MFN1: variants seen among roughly 807,000 people sequenced by gnomAD.
The protein encoded by MFN1 is mitofusin 1, also known as mitofusin-1.
A neutral mutation model predicts 92.4 loss-of-function variants in MFN1; 65 were observed. The ratio of observed to expected loss-of-function variants is 0.70; its 90% CI spans 0.58 to 0.86. The LOEUF (loss-of-function observed/expected upper bound fraction) is 0.86, where lower values mean the gene tolerates loss of function less well. MFN1 is among the 40% of genes least tolerant of loss of function. The pLI is 0.00. For missense variants in MFN1, 781 were observed against 868.0 expected (o/e 0.90, Z 1.26); for synonymous variants, 297 against 300.9 (o/e 0.99, Z 0.13).
intron 16 of MFN1, among the ~76,000 whole-genome samples, chr3:179,388,461 C>A (rs1456044146): frequency 6.6e-6 from 1 of 152,094 alleles, no homozygotes; most frequent in Non-Finnish European, 1.5e-5. Flanking sequence ...ATATTTGTTT[C>A]ATTCATGTGG....
chr3:179,355,893 A>G (rs1042667240), intron 3 of MFN1, among the ~76,000 whole-genome samples: 1 of 152,110 alleles, frequency 6.6e-6, no homozygotes, highest in Non-Finnish European at 1.5e-5. Context: ...TGCAGGTTGC[A>G]GTGAGCTTAC....
At chr3:179,354,222 CA>C (rs1712262542) in intron 3 of MFN1, among the ~76,000 whole-genome samples, 1 of 152,098 alleles carries the variant, frequency 6.6e-6, no homozygotes, top group Non-Finnish European at 1.5e-5. Flanking sequence ...GAAAAAGGTC[CA>C]AAAGCTCATT....
At chr3:179,379,736 AAC>A (rs138661240) in intron 14 of MFN1, among the ~76,000 whole-genome samples, 214 of 152,358 alleles carry the variant, frequency 1.4e-3, no homozygotes, top group African/African-American at 4.9e-3. Flanking sequence ...TTTTATTTAT[AAC>A]ACATAAATTT....
chr3:179,376,157 AT>A (rs780746116), intron 10 of MFN1, among the ~76,000 whole-genome samples: 3 of 152,182 alleles, frequency 2.0e-5, no homozygotes, highest in Non-Finnish European at 4.4e-5. Flanking sequence ...TTGCTTTATA[AT>A]GGTACTTTCT....
At chr3:179,364,450 A>T (rs773442663) in intron 6 of MFN1, 45 bp downstream of exon 6, 1 of 1,394,254 alleles carries the variant, frequency 7.2e-7, no homozygotes, top group East Asian at 2.3e-5. Flanking sequence ...AGGAAATGAA[A>T]TGGTATCTGT....
chr3:179,371,557 A>G (rs1377216649), intron 9 of MFN1, among the ~76,000 whole-genome samples: 6 of 152,110 alleles, frequency 3.9e-5, no homozygotes, highest in Admixed American at 3.9e-4. Context: ...CTGTCAATAC[A>G]TTTTCTTATT....
intron 14 of MFN1, among the ~76,000 whole-genome samples, chr3:179,381,682 G>T (rs190752508): frequency 1.3e-5 from 2 of 152,346 alleles, no homozygotes; most frequent in African/African-American, 4.8e-5. Flanking sequence ...AGCAACACCT[G>T]TGTTTTCTGA....
rs774619490 is a variant in MFN1, at chr3:179,364,328, A to G, written c.568A>G (p.Ser190Gly). The G allele has an allele frequency of 6.4e-5, 104 of 1,613,712 alleles. No individual in the cohort carries two copies. Among genetic ancestry groups the G allele is most frequent in the Non-Finnish European group, 8.1e-5 (96 of 1,179,850 alleles). ...PGTDVTTELD[S>G]WIDKFCLDAD... Reference sequence around the variant, plus strand: ...CACAGATGTCACTACAGAGCTGGATAGCTGGATTGATAAGTTTTGCCTAGA... The same window carrying G: ...CACAGATGTCACTACAGAGCTGGATGGCTGGATTGATAAGTTTTGCCTAGA... Residue 190 changes from serine (S) to glycine (G), a missense_variant, in exon 6 of 18, where the codon AGC becomes GGC. Ser to Gly is a moderately conservative substitution (Grantham distance 56, BLOSUM62 0). Coordinates refer to ENST00000471841, the MANE Select transcript of MFN1 (RefSeq NM_033540.3).
intron 14 of MFN1, among the ~76,000 whole-genome samples, chr3:179,383,345 T>A (rs1713546264): frequency 6.6e-6 from 1 of 152,202 alleles, no homozygotes; most frequent in African/African-American, 2.4e-5. Flanking sequence ...CCATTTCTTG[T>A]TTTTGTCAGG....
chr3:179,351,926 C>G lies in MFN1; in HGVS notation c.139C>G (p.Arg47Gly). ...AACATATAAGAATCCGGAACTTGAT[C>G]GAATAGCCACTGAAGATGATCTGGT... ...EATYKNPELD[R>G]IATEDDLVEM... The change falls in exon 3 of 18, where the codon CGA becomes GGA. Residue 47 changes from arginine to glycine, a missense_variant. Arg to Gly is a moderately radical substitution (Grantham distance 125, BLOSUM62 -2). Transcript: ENST00000471841. The G allele has an allele frequency of 6.2e-7, 1 of 1,604,734 alleles. No individual in the cohort carries two copies.
In MFN1 at chr3:179,378,753, G is replaced by A. The variant is rs374008474; in HGVS notation, c.1601G>A (p.Arg534Gln). ...CTGGGCTGGTCTTCCCTTGTACATC[G>A]ATTTTTGGGCCCTAGAAATGCTCAA... ...FSLGWSSLVH[R>Q]FLGPRNAQRV... The change falls in exon 14 of 18, where the codon CGA becomes CAA. Residue 534 changes from arginine (R) to glutamine (Q), a missense_variant. Arg to Gln is a conservative substitution (Grantham distance 43). Transcript: ENST00000471841. 5.0e-6 allele frequency: 8 copies of A among 1,613,986 alleles called. No individual in the cohort carries two copies. Among genetic ancestry groups the A allele is most frequent in the Non-Finnish European group, 6.8e-6 (8 of 1,179,928 alleles).
chr3:179,348,687 C>T (rs2108520021), intron 1 of MFN1, 158 bp from the exon 2 acceptor site: 1 of 1,094,630 alleles, frequency 9.1e-7, no homozygotes, highest in Non-Finnish European at 1.2e-6. Flanking sequence ...TCGTCTCTAA[C>T]TGTCTGACTA....
intron 3 of MFN1, among the ~76,000 whole-genome samples, chr3:179,357,225 A>G (rs1324444024): frequency 2.0e-5 from 3 of 152,192 alleles, no homozygotes; most frequent in Admixed American, 6.5e-5. Flanking sequence ...AATGGTCAGT[A>G]TCTGGTGTTA....
At chr3:179,379,372 G>C (rs1325775578) in intron 14 of MFN1, among the ~76,000 whole-genome samples, 1 of 152,156 alleles carries the variant, frequency 6.6e-6, no homozygotes, top group Non-Finnish European at 1.5e-5. Context: ...GGATGCGTTT[G>C]AGACAGAGAC....
At chr3:179,385,781 C>T in intron 15 of MFN1, 60 bp downstream of exon 15, 2 of 1,497,120 alleles carry the variant, frequency 1.3e-6, no homozygotes, top group Non-Finnish European at 1.8e-6. Flanking sequence ...TGCCTGTTAG[C>T]TCACAAAAGA....
At chr3:179,372,540 A>C (rs1486936433) in intron 9 of MFN1, among the ~76,000 whole-genome samples, 1 of 152,170 alleles carries the variant, frequency 6.6e-6, no homozygotes, top group Non-Finnish European at 1.5e-5. Flanking sequence ...TATTTGGAGT[A>C]AAATGTTCTT....
At position 179,379,619 on chromosome 3, in the gene MFN1, G is replaced by T. The variant is rs571784524; in HGVS notation, c.1662+805G>T. 1.6e-4 allele frequency among the ~76,000 whole-genome samples: 24 copies of T among 152,298 alleles called. 1 individual carries two copies. Among genetic ancestry groups the T allele is most frequent in the South Asian group, 1.0e-3 (5 of 4,830 alleles). ...TCCACCTGCCTCAGCCTCCCAAAGT[G>T]TTGGGATTACAGGCGTGAGCCACAG... On this transcript the variant is annotated intron_variant, in intron 14 of 17. Coordinates refer to ENST00000471841, the MANE Select transcript of MFN1 (RefSeq NM_033540.3).
chr3:179,368,314 C>T (rs1712886450), intron 9 of MFN1, among the ~76,000 whole-genome samples: 1 of 151,974 alleles, frequency 6.6e-6, no homozygotes, highest in Non-Finnish European at 1.5e-5. Context: ...GTAATTTATT[C>T]CTTATTCTTA....
rs760087936 is a variant in MFN1, at chr3:179,385,703, CATT to C, written c.1801_1803del (p.Ile601del). 3.3e-5 allele frequency: 54 copies of C among 1,612,824 alleles called. No individual in the cohort carries two copies. Among genetic ancestry groups the C allele is most frequent in the Middle Eastern group, 1.6e-4 (1 of 6,078 alleles). On this transcript the variant is annotated inframe_deletion, in exon 15 of 18. Transcript: ENST00000471841. ...TTACATCTAGAACTTCTATGGGCATCATTATTGTTGGAGGAGTGGTAAGAAACA... is the reference window on the plus strand; with the variant it reads ...TTACATCTAGAACTTCTATGGGCATCATTGTTGGAGGAGTGGTAAGAAACA...
Sources: allele counts gnomAD v4.1 joint callset (sites outside exome capture counted in the v4.1 genomes callset), GRCh38; gene constraint gnomAD v4.1.1; transcripts MANE v1.5; gene names NCBI Gene and HGNC (gene_info 2026-07-23, HGNC 2026-07-21).